SIMC1: variants seen among roughly 807,000 people sequenced by gnomAD.
SIMC1 encodes SUMO-interacting motif-containing protein 1.
A neutral mutation model predicts 82.3 loss-of-function variants in SIMC1; 55 were observed. The ratio of observed to expected loss-of-function variants is 0.67; its 90% confidence interval spans 0.54 to 0.84. The LOEUF (loss-of-function observed/expected upper bound fraction) is 0.84. Among genes scored for constraint, SIMC1 ranks in the 40% least tolerant of loss-of-function variants. The pLI is 0.00. For missense variants in SIMC1, 915 were observed against 1,107.2 expected (o/e 0.83, Z 2.46); for synonymous variants, 353 against 426.3 (o/e 0.83, Z 2.12).
At chr5:176,257,539 A>C (rs1169276009) in intron 1 of SIMC1, among the ~76,000 whole-genome samples, 1 of 152,120 alleles carries the variant, frequency 6.6e-6, no homozygotes, top group Non-Finnish European at 1.5e-5. Context: ...ACAGACTCAA[A>C]CAACCAGATC....
At chr5:176,244,974 G>A (rs535794665) in intron 1 of SIMC1, among the ~76,000 whole-genome samples, 10 of 152,002 alleles carry the variant, frequency 6.6e-5, no homozygotes, top group Non-Finnish European at 1.3e-4. Context: ...ACCCACCTCG[G>A]CCTCCCAAAG....
intron 5 of SIMC1, among the ~76,000 whole-genome samples, chr5:176,317,888 A>G (rs79769960): frequency 6.6e-6 from 1 of 152,236 alleles, no homozygotes. Context: ...CAAACAAAGC[A>G]AGGAAAAATG....
At chr5:176,322,472 T>C (rs1377772812) in intron 6 of SIMC1, 47 bp downstream of exon 6, 2 of 1,566,350 alleles carry the variant, frequency 1.3e-6, no homozygotes, top group Non-Finnish European at 8.7e-7. Flanking sequence ...GGGTTTAGTG[T>C]TTTAGAGAGA....
intron 4 of SIMC1, among the ~76,000 whole-genome samples, chr5:176,305,521 G>T (rs1764296702): frequency 1.5e-5 from 2 of 135,360 alleles, no homozygotes; most frequent in Admixed American, 1.4e-4. Context: ...ACCCCGTCTG[G>T]GAGGGAGGTG....
At chr5:176,332,627 AT>A (rs1381389970) in intron 7 of SIMC1, among the ~76,000 whole-genome samples, 1 of 152,186 alleles carries the variant, frequency 6.6e-6, no homozygotes, top group Non-Finnish European at 1.5e-5. Context: ...TTTTGACATA[AT>A]TGTAAATTCA....
intron 4 of SIMC1, chr5:176,308,562 C>T (rs139117992): frequency 3.5e-4 from 555 of 1,594,048 alleles, no homozygotes; most frequent in Non-Finnish European, 4.4e-4. Context: ...AAGGGCTGGC[C>T]GGGTACTCTA....
intron 9 of SIMC1, among the ~76,000 whole-genome samples, chr5:176,342,122 C>G (rs865815280): frequency 3.3e-5 from 5 of 152,340 alleles, no homozygotes; most frequent in Middle Eastern, 6.8e-3. Context: ...CCACCCTATT[C>G]AGTCAACTTT....
chr5:176,279,981 C>T (rs916935425), intron 1 of SIMC1, among the ~76,000 whole-genome samples: 4 of 152,088 alleles, frequency 2.6e-5, no homozygotes, highest in Admixed American at 1.3e-4. Context: ...CTGTAGATGT[C>T]TATTAGGTCC....
chr5:176,280,937 T>G (rs1186354848), intron 1 of SIMC1, among the ~76,000 whole-genome samples: 1 of 152,214 alleles, frequency 6.6e-6, no homozygotes, highest in Non-Finnish European at 1.5e-5. Context: ...AGGAGTATCT[T>G]TGTGGCGTTC....
intron 1 of SIMC1, among the ~76,000 whole-genome samples, chr5:176,285,138 G>A (rs1263910854): frequency 1.3e-5 from 2 of 152,170 alleles, no homozygotes; most frequent in African/African-American, 2.4e-5. Context: ...CTCATTTTAT[G>A]AGGCCAGCAT....
chr5:176,297,835 T>C (rs558398201), intron 4 of SIMC1, among the ~76,000 whole-genome samples: 25 of 152,070 alleles, frequency 1.6e-4, no homozygotes, highest in African/African-American at 5.8e-4. Context: ...AATGAGGAAG[T>C]AATCAAAAAA....
At chr5:176,283,325 C>T (rs534944476) in intron 1 of SIMC1, among the ~76,000 whole-genome samples, 2 of 152,246 alleles carry the variant, frequency 1.3e-5, no homozygotes, top group Non-Finnish European at 2.9e-5. Flanking sequence ...CAGCTAATCT[C>T]TTGGCAGAAA....
At chr5:176,287,118 C>G (rs1763325330) in intron 1 of SIMC1, among the ~76,000 whole-genome samples, 2 of 152,174 alleles carry the variant, frequency 1.3e-5, no homozygotes, top group Non-Finnish European at 1.5e-5. Flanking sequence ...ACCCAGCCAT[C>G]CCATTACTGG....
chr5:176,294,293 G>GT (rs1763707705), intron 2 of SIMC1, among the ~76,000 whole-genome samples: 1 of 151,578 alleles, frequency 6.6e-6, no homozygotes, highest in South Asian at 2.1e-4. Flanking sequence ...TTTTTTGTCT[G>GT]TTTTGATTTG....
intron 9 of SIMC1, among the ~76,000 whole-genome samples, chr5:176,341,050 G>A (rs1290882788): frequency 3.9e-5 from 6 of 152,168 alleles, no homozygotes; most frequent in Non-Finnish European, 2.9e-5. Flanking sequence ...GGGAGGCTGA[G>A]GCAGGAGAAT....
chr5:176,273,832 ACTC>A lies in SIMC1; in HGVS notation c.130-15818_130-15816del, dbSNP rs1468167760. On this transcript the variant is annotated intron_variant, in intron 1 of 9. Coordinates refer to ENST00000429602, the MANE Select transcript of SIMC1 (RefSeq NM_001308195.2). ...ATCCATGTCCCTACAAAGGACATGA[ACTC>A]CTCATTTTTTATGGCTGCATAGTAT... Among the ~76,000 whole-genome samples the A allele has an allele frequency of 2.7e-3, 415 of 152,004 alleles. 3 individuals are homozygous for A. The highest frequency in any genetic ancestry group is 8.7e-3 in the African/African-American group (360 of 41,452).
chr5:176,290,090 G>A lies in SIMC1; in HGVS notation c.566G>A (p.Ser189Asn). 6.2e-7 allele frequency: 1 copy of A among 1,607,276 alleles called. No homozygotes were observed. The highest frequency in any genetic ancestry group is 8.5e-7 in the Non-Finnish European group (1 of 1,176,780). ...SSDVSSLSPT[S>N]NNSRSSSSSS... is the part of the protein sequence containing the mutation. ...GATGTTAGCTCCCTCTCCCCAACAA[G>A]CAATAATAGTAGGAGCAGCAGCAGC... The change falls in exon 2 of 10, where the codon AGC becomes AAC. Residue 189 changes from serine (S) to asparagine (N), a missense_variant. This residue lies in a region of SIMC1 where 902 missense variants were observed against 1,040.3 expected (regional missense o/e 0.87). Coordinates refer to ENST00000429602, the MANE Select transcript of SIMC1 (RefSeq NM_001308195.2).
At chr5:176,297,080 G>A (rs1209995887) in intron 4 of SIMC1, among the ~76,000 whole-genome samples, 1 of 152,236 alleles carries the variant, frequency 6.6e-6, no homozygotes, top group Non-Finnish European at 1.5e-5. Flanking sequence ...GGAGTCAGAT[G>A]TGGGCTATTG....
chr5:176,312,039 C>G (rs750419010), intron 4 of SIMC1, among the ~76,000 whole-genome samples: 1 of 152,038 alleles, frequency 6.6e-6, no homozygotes, highest in Non-Finnish European at 1.5e-5. Flanking sequence ...GGGGGATTGG[C>G]CTAAGTAAAT....
Sources: gnomAD v4.1 joint callset for allele counts (sites outside exome capture counted in the v4.1 genomes callset) on GRCh38, gnomAD v4.1.1 for gene constraint, gnomAD v4.1.1 regional missense constraint, MANE v1.5 for transcripts, NCBI Gene and HGNC (gene_info 2026-07-23, HGNC 2026-07-21) for gene names.